CCT8: variants seen among roughly 807,000 people sequenced by gnomAD.
CCT8 encodes T-complex protein 1 subunit theta.
CCT8 carries 10 observed loss-of-function variants against 65.7 expected under a neutral mutation model. That is an observed-to-expected ratio of 0.15 (90% CI 0.09 to 0.26). The LOEUF (loss-of-function observed/expected upper bound fraction) is 0.26, where lower values mean the gene tolerates loss of function less well. Ranked by LOEUF, CCT8 falls within the 10% of genes least tolerant of loss-of-function variation. The pLI is 1.00. For synonymous variants in CCT8, 199 were observed against 221.8 expected, an observed-to-expected ratio of 0.90 and a Z score of 0.92; for missense variants, 568 against 669.1, an observed-to-expected ratio of 0.85 and a Z score of 1.67.
In CCT8 at chr21:29,064,188, G is replaced by A. The variant is rs140932197; in HGVS notation, c.763-658C>T. 6.5e-4 allele frequency among the ~76,000 whole-genome samples: 99 copies of A among 151,812 alleles called. No homozygotes were observed. The East Asian group carries it at 0.01, about 16-fold the overall frequency. On this transcript the variant is annotated intron_variant, in intron 7 of 14. Coordinates refer to ENST00000286788, the MANE Select transcript of CCT8 (RefSeq NM_006585.4). ...CTTTTTCTAAAATGTGGACTAGGCC[G>A]GGCGCGGTGGCTCATGCCTGTAATC...
chr21:29,062,147 G>C lies in CCT8; in HGVS notation c.1193C>G (p.Thr398Ser), dbSNP rs747591367. The C allele has an allele frequency of 4.7e-5, 75 of 1,609,410 alleles. 1 individual carries two copies. The South Asian group carries it at 8.1e-4, about 17-fold the overall frequency. Residue 398 changes from threonine (T) to serine (S), a missense_variant, in exon 11 of 15, where the codon ACT (threonine) becomes AGT (serine). Transcript: ENST00000286788. Reference protein sequence around the residue: ...IERAVDDGVNTFKVLTRDKRL... With the variant: ...IERAVDDGVNSFKVLTRDKRL... ...ACTGACCCTTGTAAGAACTTTGAAA[G>C]TATTAACACCATCGTCTACTGCCCT...
Position 29,073,594 on chromosome 21 carries a change from C to T in CCT8, c.-4G>A. ...CCTTGGGAACGTGAAGCGCCATGGC[C>T]AGCCTGCAGGAAGCAGTTCACGCGA... On this transcript the variant is annotated 5_prime_UTR_variant, in exon 1 of 15. Transcript: ENST00000286788. 6.2e-7 allele frequency: 1 copy of T among 1,614,040 alleles called. No homozygotes were observed. The highest frequency in any genetic ancestry group is 8.5e-7 in the Non-Finnish European group (1 of 1,179,990).
At chr21:29,068,499 G>A (rs576041722) in intron 3 of CCT8, among the ~76,000 whole-genome samples, 1 of 151,370 alleles carries the variant, frequency 6.6e-6, no homozygotes, top group East Asian at 1.9e-4. Context: ...TTGCTCTGTC[G>A]CCCAGGCTGG....
At position 29,067,631 on chromosome 21, in the gene CCT8, G is replaced by C. The variant is rs182896709; in HGVS notation, c.306C>G (p.Asn102Lys). Reference protein sequence around the residue: ...MQEQEVGDGTNFVLVFAGALL... With the variant: ...MQEQEVGDGTKFVLVFAGALL... ...GAGCTCCAGCAAATACCAGAACAAA[G>C]TTTGTGCCATCTCCAACTTCTTGCT... The change falls in exon 4 of 15, where the codon AAC becomes AAG. Residue 102 changes from asparagine (N) to lysine (K), a missense_variant. Transcript: ENST00000286788. 21 of 1,418,314 alleles carry C rather than the reference G, an allele frequency of 1.5e-5. No individual in the cohort carries two copies. Among genetic ancestry groups the C allele is most frequent in the Admixed American group, 5.7e-5 (2 of 35,382 alleles). 87.9% of individuals were successfully genotyped at this position (1,418,314 alleles called of 1,614,324 possible). A position where few individuals can be genotyped will look rare whatever the true frequency, so the allele number is the denominator to read the frequency against.
At chr21:29,065,191 T>C in intron 6 of CCT8, 86 bp from the exon 7 acceptor site, 3 of 1,398,580 alleles carry the variant, frequency 2.1e-6, no homozygotes, top group Non-Finnish European at 3.0e-6. Flanking sequence ...ACCAAAAATA[T>C]CCCTTTCTAA....
chr21:29,064,149 T>C lies in CCT8; in HGVS notation c.763-619A>G, dbSNP rs1017655551. ...GCTAACTAGTGTTCCCAATACAACATTGTGGTTCTCAAACTTTTTCTAAAA... is the reference window on the plus strand; with the variant it reads ...GCTAACTAGTGTTCCCAATACAACACTGTGGTTCTCAAACTTTTTCTAAAA... On this transcript the variant is annotated intron_variant, in intron 7 of 14. Transcript: ENST00000286788. 6.6e-5 allele frequency among the ~76,000 whole-genome samples: 10 copies of C among 152,094 alleles called. No homozygotes were observed. In the South Asian group the frequency reaches 1.5e-3, roughly 22 times the overall value.
chr21:29,062,740 G>C, intron 8 of CCT8, 184 bp from the exon 9 acceptor site: 1 of 608,080 alleles, frequency 1.6e-6, no homozygotes, highest in Non-Finnish European at 2.9e-6. Context: ...CTGACTCTCT[G>C]AGTGAGTCCA....
At chr21:29,070,173 G>T in intron 2 of CCT8, 74 bp downstream of exon 2, 2 of 883,670 alleles carry the variant, frequency 2.3e-6, no homozygotes, top group South Asian at 3.5e-5. Context: ...AACATCCTCA[G>T]AACAAGTCTG....
At chr21:29,068,754 C>T (rs1345888914) in intron 3 of CCT8, among the ~76,000 whole-genome samples, 1 of 152,094 alleles carries the variant, frequency 6.6e-6, no homozygotes, top group Non-Finnish European at 1.5e-5. Context: ...CGTGAGCCAC[C>T]GCGTCCAACC....
Position 29,061,509 on chromosome 21 carries a change from G to A in CCT8, c.1271C>T (p.Thr424Ile). 1 of 1,613,930 alleles carries A rather than the reference G, an allele frequency of 6.2e-7. No homozygotes were observed. Among genetic ancestry groups the A allele is most frequent in the East Asian group, 2.2e-5 (1 of 44,880 alleles). The change falls in exon 12 of 15, where the codon ACA becomes ATA. Residue 424 changes from threonine (T) to isoleucine (I), a missense_variant. Transcript: ENST00000286788. The stretch of plus-strand genomic sequence containing the variant: ...AAAAAGCTGTACCTCTCCATATGAT[G>A]TGATCTGTTTGGCTAATTCAATTTC... ...ATEIELAKQI[T>I]SYGETCPGLE...
At chr21:29,064,446 A>C (rs1278848702) in intron 7 of CCT8, among the ~76,000 whole-genome samples, 1 of 146,342 alleles carries the variant, frequency 6.8e-6, no homozygotes, top group Non-Finnish European at 1.5e-5. Context: ...AGAATAAAAT[A>C]CAATAAAATA....
At chr21:29,057,457 G>A (rs1425086895) in intron 14 of CCT8, among the ~76,000 whole-genome samples, 3 of 151,656 alleles carry the variant, frequency 2.0e-5, no homozygotes, top group East Asian at 1.9e-4. Flanking sequence ...GAGCCACTGC[G>A]CTCGGCTGGA....
intron 3 of CCT8, among the ~76,000 whole-genome samples, chr21:29,068,008 A>G (rs1387230799): frequency 6.6e-6 from 1 of 152,242 alleles, no homozygotes; most frequent in East Asian, 1.9e-4. Flanking sequence ...ATTAAAAAAC[A>G]AAGTAATTAC....
At chr21:29,062,828 G>A in intron 8 of CCT8, 1 of 476,332 alleles carries the variant, frequency 2.1e-6, no homozygotes, top group Non-Finnish European at 3.7e-6. Flanking sequence ...GTCACTTTAG[G>A]ATGTCAGTGG....
At position 29,061,310 on chromosome 21, in the gene CCT8, G is replaced by A; in HGVS notation, c.1392C>T (p.Ile464=). The part of the protein sequence containing the change: ...ENSGVKANEV[I]SKLYAVHQEG... ...CTTGATGTACTGCATAAAGTTTAGA[G>A]ATTACTTCATTGGCCTTAACTCCAG... The change falls in exon 13 of 15, where the codon ATC becomes ATT. Residue 464 remains isoleucine (I), a synonymous_variant. Coordinates refer to ENST00000286788, the MANE Select transcript of CCT8 (RefSeq NM_006585.4). 6.2e-7 allele frequency: 1 copy of A among 1,613,888 alleles called. No homozygotes were observed. Among genetic ancestry groups the A allele is most frequent in the Non-Finnish European group, 8.5e-7 (1 of 1,179,822 alleles).
rs773191453 is a variant in CCT8 at position 29,066,359 on chromosome 21, G to A, written c.624+357C>T. Among the ~76,000 whole-genome samples, 41 of 152,134 alleles carry A rather than the reference G, an allele frequency of 2.7e-4. 1 individual carries two copies. The highest frequency in any genetic ancestry group is 1.2e-3 in the South Asian group (6 of 4,822). Reference sequence around the variant, plus strand: ...AGTTCGAGACCAGCCTGACCAACACGGAGAAACCCCATCTCTACTAAAAAT... The same window carrying A: ...AGTTCGAGACCAGCCTGACCAACACAGAGAAACCCCATCTCTACTAAAAAT... On this transcript the variant is annotated intron_variant, in intron 6 of 14. Transcript: ENST00000286788.
intron 7 of CCT8, among the ~76,000 whole-genome samples, chr21:29,063,926 C>G (rs2085591879): frequency 6.6e-6 from 1 of 152,080 alleles, no homozygotes; most frequent in Non-Finnish European, 1.5e-5. Context: ...GCCACCACGC[C>G]CAGCTAATTT....
chr21:29,058,539 C>T (rs543990298), intron 14 of CCT8, among the ~76,000 whole-genome samples: 2 of 152,070 alleles, frequency 1.3e-5, no homozygotes, highest in East Asian at 3.9e-4. Flanking sequence ...AGGCCTCTTC[C>T]AGCATTTCTG....
intron 1 of CCT8, chr21:29,072,066 C>T (rs1267904076): frequency 1.5e-6 from 1 of 658,230 alleles, no homozygotes; most frequent in Non-Finnish European, 2.7e-6. Flanking sequence ...CTAGTTAGTC[C>T]CTGAGCCTGG....
Sources: gnomAD v4.1 joint callset for allele counts (sites outside exome capture counted in the v4.1 genomes callset) on GRCh38, gnomAD v4.1.1 for gene constraint, MANE v1.5 for transcripts, NCBI Gene and HGNC (gene_info 2026-07-23, HGNC 2026-07-21) for gene names.